The following DACH2 variants were observed in gnomAD, a reference collection of about 807,000 sequenced individuals.
DACH2 encodes the protein dachshund family transcription factor 2.
In DACH2, 17 loss-of-function variants were observed where a neutral mutation model predicts 35.8. The observed-to-expected ratio is 0.48, with a 90% CI of 0.33 to 0.71. The LOEUF (loss-of-function observed/expected upper bound fraction) is 0.71, where lower values mean the gene tolerates loss of function less well. Among genes scored for constraint, DACH2 ranks in the 30% least tolerant of loss-of-function variants. The pLI is 0.02. For synonymous variants in DACH2, 195 were observed against 177.3 expected, an observed-to-expected ratio of 1.10 and a Z score of -0.79; for missense variants, 469 against 472.7, an observed-to-expected ratio of 0.99 and a Z score of 0.07.
intron 1 of DACH2, among the ~76,000 whole-genome samples, chrX:86,284,704 G>T (rs2034110871): frequency 9.0e-6 from 1 of 111,248 alleles, no homozygotes; most frequent in Admixed American, 9.6e-5. Flanking sequence ...ATGTTTTGTA[G>T]AATTCAACAG....
intron 1 of DACH2, among the ~76,000 whole-genome samples, chrX:86,337,838 C>A (rs1031784106): frequency 9.0e-6 from 1 of 111,311 alleles, no homozygotes; most frequent in Admixed American, 9.6e-5. Context: ...CAGAGACACA[C>A]ACAGGCTCAA....
At chrX:86,649,042 C>A (rs1352946582) in intron 3 of DACH2, among the ~76,000 whole-genome samples, 1 of 110,170 alleles carries the variant, frequency 9.1e-6, no homozygotes, top group Non-Finnish European at 1.9e-5. Context: ...CATATCTTCA[C>A]CTAAATAACT....
rs182683929 is a variant in DACH2 at position 86,677,793 on chromosome X, G to A, written c.773-17228G>A. 2.7e-5 allele frequency among the ~76,000 whole-genome samples: 3 copies of A among 112,262 alleles called. No homozygotes were observed. The Admixed American group carries it at 2.8e-4, about 11-fold the overall frequency. Reference sequence around the variant, plus strand: ...AAGAAAAGGCCAGGGGAGCTAGGCCGAGAACACAGCTGTACAGGCAGCTCA... The same window carrying A: ...AAGAAAAGGCCAGGGGAGCTAGGCCAAGAACACAGCTGTACAGGCAGCTCA... On this transcript the variant is annotated intron_variant, in intron 4 of 11. Transcript: ENST00000373125.
intron 4 of DACH2, among the ~76,000 whole-genome samples, chrX:86,663,118 C>T (rs928952277): frequency 9.0e-6 from 1 of 110,834 alleles, no homozygotes; most frequent in Non-Finnish European, 1.9e-5. Flanking sequence ...GAGAAACTTT[C>T]AAGAAACCGC....
At position 86,273,955 on chromosome X, in the gene DACH2, T is replaced by C. The variant is rs752843768; in HGVS notation, c.489-102869T>C. ...AGAATGTGCATTTTAGATGTAGATA[T>C]CCTATTTAGGTATTTTTATATTTTT... On this transcript the variant is annotated intron_variant, in intron 1 of 11. Transcript: ENST00000373125. Among the ~76,000 whole-genome samples, 5 of 112,293 alleles carry C rather than the reference T, an allele frequency of 4.5e-5. No individual in the cohort carries two copies. The South Asian group carries it at 1.1e-3, about 25-fold the overall frequency.
intron 1 of DACH2, among the ~76,000 whole-genome samples, chrX:86,162,834 T>A (rs1351851677): frequency 9.0e-6 from 1 of 111,142 alleles, no homozygotes; most frequent in African/African-American, 3.3e-5. Flanking sequence ...TTTTGAAACG[T>A]GTTGAGAATA....
At chrX:86,650,911 G>T in intron 3 of DACH2, 125 bp from the exon 4 acceptor site, 1 of 565,508 alleles carries the variant, frequency 1.8e-6, no homozygotes, top group Non-Finnish European at 2.6e-6. Context: ...ATCATCCATA[G>T]CTCAAGCCTC....
At chrX:86,489,024 G>C (rs763526029) in intron 2 of DACH2, among the ~76,000 whole-genome samples, 1 of 111,527 alleles carries the variant, frequency 9.0e-6, no homozygotes, top group South Asian at 3.7e-4. Context: ...AGTGGCTATA[G>C]CCAGTAATCC....
intron 10 of DACH2, among the ~76,000 whole-genome samples, chrX:86,815,558 G>C (rs1435422764): frequency 1.9e-5 from 2 of 106,504 alleles, no homozygotes; most frequent in East Asian, 5.9e-4. Context: ...GAGTATTTTG[G>C]TATTCAGTTG....
chrX:86,294,926 C>A (rs2034410476), intron 1 of DACH2, among the ~76,000 whole-genome samples: 2 of 111,309 alleles, frequency 1.8e-5, no homozygotes, highest in Admixed American at 1.9e-4. Context: ...AGGCAGGCCT[C>A]CTTGAGCTGT....
rs1337135910 is a variant in DACH2 at position 86,814,580 on chromosome X, T to A, written c.1538-108T>A. ...CGCTAATCATATGTCAAGTGAAATA[T>A]TTCTATATCTCTCTTTATCTATACT... On this transcript the variant is annotated intron_variant, in intron 9 of 11. Coordinates refer to ENST00000373125, the MANE Select transcript of DACH2 (RefSeq NM_053281.3). 4.9e-6 allele frequency: 4 copies of A among 813,639 alleles called. No individual in the cohort carries two copies. The South Asian group carries it at 1.2e-4, about 24-fold the overall frequency. The allele number at this position is 813,639 out of a possible 1,213,427, so 67.1% of individuals were successfully genotyped here.
At chrX:86,170,999 C>G (rs1211339784) in intron 1 of DACH2, among the ~76,000 whole-genome samples, 1 of 111,930 alleles carries the variant, frequency 8.9e-6, no homozygotes, top group African/African-American at 3.3e-5. Context: ...TCTGATCAGC[C>G]TGTTCAAAGG....
At chrX:86,761,565 A>G (rs1168765139) in intron 7 of DACH2, among the ~76,000 whole-genome samples, 1 of 111,946 alleles carries the variant, frequency 8.9e-6, no homozygotes, top group Non-Finnish European at 1.9e-5. Flanking sequence ...CCAAAGGATT[A>G]TAAGTCATTC....
intron 1 of DACH2, among the ~76,000 whole-genome samples, chrX:86,234,983 C>T (rs946228324): frequency 1.8e-5 from 2 of 111,754 alleles, no homozygotes; most frequent in East Asian, 2.8e-4. Flanking sequence ...ACCTAATGTC[C>T]TTTTCCTGTT....
chrX:86,790,941 C>A lies in DACH2; in HGVS notation c.1241-21915C>A, dbSNP rs151275576. Among the ~76,000 whole-genome samples, 432 of 111,206 alleles carry A rather than the reference C, an allele frequency of 3.9e-3. 2 individuals carry two copies. Among genetic ancestry groups the A allele is most frequent in the Non-Finnish European group, 4.5e-3 (239 of 53,002 alleles). Reference sequence around the variant, plus strand: ...ATGTAAATTTTCAATTAACATATATCGTATGTTACATGTATTATATACTGC... The same window carrying A: ...ATGTAAATTTTCAATTAACATATATAGTATGTTACATGTATTATATACTGC... On this transcript the variant is annotated intron_variant, in intron 7 of 11. Coordinates refer to ENST00000373125, the MANE Select transcript of DACH2 (RefSeq NM_053281.3).
At chrX:86,260,613 C>T (rs961067002) in intron 1 of DACH2, among the ~76,000 whole-genome samples, 13 of 112,189 alleles carry the variant, frequency 1.2e-4, no homozygotes, top group African/African-American at 2.3e-4. Flanking sequence ...GTTCAATATG[C>T]GTTTGTTTAA....
chrX:86,567,891 A>T (rs1328371847), intron 3 of DACH2, among the ~76,000 whole-genome samples: 5 of 111,936 alleles, frequency 4.5e-5, no homozygotes, highest in Non-Finnish European at 9.4e-5. Flanking sequence ...TTTCCAAAAC[A>T]TGAAAGCAAC....
intron 2 of DACH2, among the ~76,000 whole-genome samples, chrX:86,425,834 G>T (rs1421177450): frequency 9.0e-6 from 1 of 110,680 alleles, no homozygotes; most frequent in Non-Finnish European, 1.9e-5. Context: ...ACTCAGATGG[G>T]CTAGGAGGAC....
chrX:86,250,708 AT>A (rs1275865375), intron 1 of DACH2, among the ~76,000 whole-genome samples: 2 of 111,387 alleles, frequency 1.8e-5, no homozygotes, highest in Non-Finnish European at 3.8e-5. Flanking sequence ...AGGATATATC[AT>A]TTCAAATAAC....
Sources: gnomAD v4.1 joint callset for allele counts (sites outside exome capture counted in the v4.1 genomes callset) on GRCh38, gnomAD v4.1.1 for gene constraint, MANE v1.5 for transcripts, NCBI Gene and HGNC (gene_info 2026-07-23, HGNC 2026-07-21) for gene names.